Variants in COG6 observed in about 807,000 individuals in gnomAD.
COG6 encodes conserved oligomeric Golgi complex subunit 6.
A neutral mutation model predicts 88.8 loss-of-function variants in COG6; 74 were observed. The observed-to-expected ratio is 0.83, with a 90% CI of 0.69 to 1.01. The LOEUF is 1.01. Among genes scored for constraint, COG6 ranks in the 50% least tolerant of loss-of-function variants. The pLI is 0.00. For synonymous variants in COG6, 286 were observed against 278.7 expected, an observed-to-expected ratio of 1.03 and a Z score of -0.26; for missense variants, 800 against 797.9, an observed-to-expected ratio of 1.00 and a Z score of -0.03.
intron 17 of COG6, among the ~76,000 whole-genome samples, chr13:39,727,004 A>G (rs935590656): frequency 7.9e-5 from 12 of 152,072 alleles, no homozygotes; most frequent in Non-Finnish European, 2.9e-5. Flanking sequence ...TTGCTAGGCC[A>G]TAAGCTCTGT....
chr13:39,707,126 A>C (rs926710261), intron 13 of COG6, among the ~76,000 whole-genome samples: 2 of 150,972 alleles, frequency 1.3e-5, no homozygotes, highest in African/African-American at 2.4e-5. Flanking sequence ...AGAACAAATG[A>C]GCTCACTTTT....
intron 17 of COG6, 31 bp downstream of exon 17, chr13:39,724,592 A>G (rs757764627): frequency 2.0e-6 from 3 of 1,489,738 alleles, no homozygotes; most frequent in Non-Finnish European, 2.8e-6. Context: ...TTTAATTTAG[A>G]TTTCCTTATG....
intron 18 of COG6, among the ~76,000 whole-genome samples, chr13:39,749,522 G>A (rs1490285843): frequency 6.6e-6 from 1 of 152,170 alleles, no homozygotes; most frequent in Non-Finnish European, 1.5e-5. Flanking sequence ...AAATGTAGAA[G>A]CTTTATTGTA....
chr13:39,676,920 C>G (rs1323832422), intron 4 of COG6, among the ~76,000 whole-genome samples: 1 of 151,918 alleles, frequency 6.6e-6, no homozygotes, highest in African/African-American at 2.4e-5. Context: ...GTTTTTATTA[C>G]TATATTTTGT....
intron 18 of COG6, among the ~76,000 whole-genome samples, 190 bp from the exon 19 acceptor site, chr13:39,750,756 A>T (rs977585488): frequency 6.6e-6 from 1 of 152,222 alleles, no homozygotes; most frequent in South Asian, 2.1e-4. Context: ...TTTAATAAAT[A>T]ATGAATACAA....
chr13:39,768,854 C>G (rs533814041), intron 18 of COG6, among the ~76,000 whole-genome samples: 1 of 152,110 alleles, frequency 6.6e-6, no homozygotes, highest in African/African-American at 2.4e-5. Context: ...TCCCACCCCC[C>G]GCCTACCATC....
chr13:39,697,992 A>G (rs1877370047), intron 12 of COG6, among the ~76,000 whole-genome samples: 1 of 152,026 alleles, frequency 6.6e-6, no homozygotes, highest in Non-Finnish European at 1.5e-5. Context: ...GGGAATTTGT[A>G]GATAATACCT....
At chr13:39,783,858 C>G (rs954336955) in intron 18 of COG6, among the ~76,000 whole-genome samples, 1 of 152,206 alleles carries the variant, frequency 6.6e-6, no homozygotes. Context: ...TTGAGTTTAC[C>G]GAGGGCATTT....
chr13:39,752,308 A>T lies in COG6; in HGVS notation c.*1215A>T. On this transcript the variant is annotated 3_prime_UTR_variant, in exon 19 of 19. Coordinates refer to ENST00000455146, the MANE Select transcript of COG6 (RefSeq NM_020751.3). The stretch of plus-strand genomic sequence containing the variant: ...TAGAAGATTATGTGTTGTATATAAC[A>T]AATTAGTATTTATAGAATATGACCT... The T allele has an allele frequency of 1.2e-6, 1 of 844,188 alleles. No individual in the cohort carries two copies. The highest frequency in any genetic ancestry group is 1.6e-6 in the Non-Finnish European group (1 of 619,550). 52.3% of individuals were successfully genotyped at this position (844,188 alleles called of 1,614,324 possible). A position where few individuals can be genotyped will look rare whatever the true frequency, so the allele number is the denominator to read the frequency against.
intron 4 of COG6, among the ~76,000 whole-genome samples, chr13:39,672,038 A>G: frequency 6.6e-6 from 1 of 152,012 alleles, no homozygotes; most frequent in Non-Finnish European, 1.5e-5. Context: ...GAATATGTCT[A>G]CATGGTTACT....
In COG6 at chr13:39,782,930, G is replaced by A. The variant is rs9805352; in HGVS notation, c.1827-5405G>A. On this transcript the variant is annotated intron_variant, in intron 18 of 18. Transcript: ENST00000416691. ...CTTGAGGGAGCTTCTAGGGTGCTGC[G>A]AATGTCCTGTTCCTTGATCTGGATG... Among the ~76,000 whole-genome samples the A allele has an allele frequency of 3.3e-3, 497 of 152,274 alleles. 5 individuals carry two copies. Among genetic ancestry groups the A allele is most frequent in the African/African-American group, 0.012 (483 of 41,544 alleles).
intron 3 of COG6, 45 bp from the exon 4 acceptor site, chr13:39,665,051 A>T (rs1455938027): frequency 6.7e-6 from 6 of 898,702 alleles, no homozygotes; most frequent in Non-Finnish European, 1.1e-5. Context: ...TCTGAAATAT[A>T]ATAAAATTGG....
chr13:39,748,219 A>G (rs1880441855), intron 18 of COG6, among the ~76,000 whole-genome samples: 1 of 152,170 alleles, frequency 6.6e-6, no homozygotes, highest in East Asian at 1.9e-4. Context: ...TTAAAATACT[A>G]GTTTCTAGTA....
At chr13:39,684,002 T>C (rs1334921974) in intron 8 of COG6, among the ~76,000 whole-genome samples, 1 of 152,180 alleles carries the variant, frequency 6.6e-6, no homozygotes, top group African/African-American at 2.4e-5. Context: ...GAAGATTAAG[T>C]TAGATTGTTC....
intron 14 of COG6, 128 bp from the exon 15 acceptor site, chr13:39,719,532 T>C (rs1593449310): frequency 8.5e-7 from 1 of 1,178,944 alleles, no homozygotes; most frequent in East Asian, 2.5e-5. Context: ...CATTGATTTA[T>C]GTTTAATCTT....
intron 6 of COG6, 87 bp from the exon 7 acceptor site, chr13:39,679,888 T>C (rs550802461): frequency 4.3e-5 from 32 of 743,240 alleles, no homozygotes; most frequent in Admixed American, 2.0e-4. Context: ...TAATATGCTG[T>C]AATATGTAAT....
At position 39,687,616 on chromosome 13, in the gene COG6, C is replaced by T. The variant is rs1290017981; in HGVS notation, c.902C>T (p.Ser301Phe). 1.2e-6 allele frequency: 2 copies of T among 1,613,920 alleles called. No individual in the cohort carries two copies. The highest frequency in any genetic ancestry group is 1.1e-5 in the South Asian group (1 of 91,042). The change falls in exon 9 of 19, where the codon TCT becomes TTT. Residue 301 changes from serine to phenylalanine, a missense_variant. By Grantham distance (155) the Ser-to-Phe change is radical (BLOSUM62 -2). Coordinates refer to ENST00000455146, the MANE Select transcript of COG6 (RefSeq NM_020751.3). ...GGTPRPIEMH[S>F]HDPLRYVGDM... ...ACACCTAGACCAATTGAAATGCATTCTCATGACCCTTTGAGGTATAGTAAT... is the reference window on the plus strand; with the variant it reads ...ACACCTAGACCAATTGAAATGCATTTTCATGACCCTTTGAGGTATAGTAAT...
downstream of COG6, among the ~76,000 whole-genome samples, chr13:39,753,270 C>T (rs572603830): frequency 5.9e-5 from 9 of 152,240 alleles, no homozygotes; most frequent in Non-Finnish European, 7.4e-5. Context: ...TACCATGTGA[C>T]GTTACAGTGA....
intron 17 of COG6, among the ~76,000 whole-genome samples, chr13:39,726,029 GTTAA>G (rs1879118669): frequency 6.6e-6 from 1 of 151,908 alleles, no homozygotes; most frequent in Non-Finnish European, 1.5e-5. Context: ...TGTTCCTGGT[GTTAA>G]TTTTCAGAAC....
Sources: allele counts gnomAD v4.1 joint callset (sites outside exome capture counted in the v4.1 genomes callset), GRCh38; gene constraint gnomAD v4.1.1; transcripts MANE v1.5; gene names NCBI Gene and HGNC (gene_info 2026-07-23, HGNC 2026-07-21).